Variants in SYN3 observed in about 807,000 individuals in gnomAD.
SYN3 encodes synapsin III, also known as synapsin-3.
A neutral mutation model predicts 65.8 loss-of-function variants in SYN3; 35 were observed. The ratio of observed to expected loss-of-function variants is 0.53; its 90% CI spans 0.41 to 0.70. The LOEUF (loss-of-function observed/expected upper bound fraction) is 0.70. Ranked by LOEUF, SYN3 falls within the 30% of genes least tolerant of loss-of-function variation. The pLI is 0.00. For synonymous variants in SYN3, 270 were observed against 292.9 expected, an observed-to-expected ratio of 0.92 and a Z score of 0.80; for missense variants, 680 against 749.0, an observed-to-expected ratio of 0.91 and a Z score of 1.08.
intron 6 of SYN3, among the ~76,000 whole-genome samples, chr22:32,719,257 G>T (rs922281709): frequency 4.6e-5 from 7 of 152,210 alleles, no homozygotes; most frequent in African/African-American, 1.7e-4. Flanking sequence ...TTGCGTCTCA[G>T]TTCCTGGCAT....
intron 6 of SYN3, among the ~76,000 whole-genome samples, chr22:32,809,954 C>G (rs2046870543): frequency 6.6e-6 from 1 of 152,174 alleles, no homozygotes; most frequent in African/African-American, 2.4e-5. Flanking sequence ...CTCCCTGTTA[C>G]CCACAGTGCT....
At chr22:32,668,776 A>T (rs2060324560) in intron 6 of SYN3, among the ~76,000 whole-genome samples, 1 of 152,132 alleles carries the variant, frequency 6.6e-6, no homozygotes, top group Non-Finnish European at 1.5e-5. Context: ...TTTTAGCTTC[A>T]CATTGTCCCC....
intron 1 of SYN3, among the ~76,000 whole-genome samples, chr22:33,047,658 C>T (rs550822927): frequency 6.6e-6 from 1 of 151,718 alleles, no homozygotes; most frequent in South Asian, 2.1e-4. Flanking sequence ...TCCAGAAGTG[C>T]CACTAATGTG....
At chr22:32,752,790 T>C (rs1465753368) in intron 6 of SYN3, among the ~76,000 whole-genome samples, 1 of 152,054 alleles carries the variant, frequency 6.6e-6, no homozygotes, top group Non-Finnish European at 1.5e-5. Flanking sequence ...GAAGCAGAGA[T>C]GGTGGGGCAA....
chr22:32,822,898 A>G (rs2047290913), intron 6 of SYN3, among the ~76,000 whole-genome samples: 2 of 148,050 alleles, frequency 1.4e-5, no homozygotes, highest in South Asian at 4.4e-4. Flanking sequence ...AACAGAAGCC[A>G]ATTTGTTAAA....
chr22:32,544,087 C>T (rs2058300745), intron 7 of SYN3, among the ~76,000 whole-genome samples: 2 of 152,190 alleles, frequency 1.3e-5, no homozygotes, highest in South Asian at 4.1e-4. Context: ...TACAGGCGTG[C>T]ACCACCATGC....
intron 6 of SYN3, among the ~76,000 whole-genome samples, chr22:32,762,167 C>A (rs1016027240): frequency 6.6e-6 from 1 of 152,222 alleles, no homozygotes; most frequent in East Asian, 1.9e-4. Flanking sequence ...AGGATTTTAG[C>A]GCCATCTTGC....
chr22:32,866,115 G>C (rs1044220835), intron 5 of SYN3, among the ~76,000 whole-genome samples: 1 of 152,162 alleles, frequency 6.6e-6, no homozygotes, highest in Non-Finnish European at 1.5e-5. Flanking sequence ...AGCTGCTGGT[G>C]GATATAAGCA....
At chr22:32,618,268 A>T (rs2059547945) in intron 6 of SYN3, among the ~76,000 whole-genome samples, 1 of 152,122 alleles carries the variant, frequency 6.6e-6, no homozygotes, top group African/African-American at 2.4e-5. Flanking sequence ...TAGGAAACTG[A>T]TGCCTGAGTG....
chr22:33,008,744 T>C (rs1161840893), intron 1 of SYN3, among the ~76,000 whole-genome samples: 1 of 151,802 alleles, frequency 6.6e-6, no homozygotes, highest in Non-Finnish European at 1.5e-5. Context: ...CAAAACTCTC[T>C]CTCTACTAAA....
chr22:32,824,987 C>A (rs2047359127), intron 6 of SYN3, among the ~76,000 whole-genome samples: 1 of 152,150 alleles, frequency 6.6e-6, no homozygotes, highest in Non-Finnish European at 1.5e-5. Flanking sequence ...TCTTCCTGGC[C>A]CCGCCTGTCT....
intron 6 of SYN3, among the ~76,000 whole-genome samples, chr22:32,849,810 T>C (rs1296789151): frequency 6.6e-6 from 1 of 152,140 alleles, no homozygotes; most frequent in African/African-American, 2.4e-5. Flanking sequence ...GCAGATAGCC[T>C]TGTTAGCTCG....
intron 6 of SYN3, among the ~76,000 whole-genome samples, chr22:32,795,596 A>C (rs1197083004): frequency 6.6e-6 from 1 of 152,218 alleles, no homozygotes; most frequent in African/African-American, 2.4e-5. Context: ...TGCACATAGC[A>C]TGGTAGCGAC....
At chr22:32,768,744 C>A (rs1445716931) in intron 6 of SYN3, among the ~76,000 whole-genome samples, 2 of 152,126 alleles carry the variant, frequency 1.3e-5, no homozygotes, top group African/African-American at 4.8e-5. Flanking sequence ...ACTTCCTGAG[C>A]CCATTCATTC....
At chr22:32,941,656 C>T (rs764114816) in intron 3 of SYN3, among the ~76,000 whole-genome samples, 4 of 152,124 alleles carry the variant, frequency 2.6e-5, no homozygotes, top group Non-Finnish European at 4.4e-5. Flanking sequence ...GAGGCATCGC[C>T]TCACCCGGGA....
At chr22:32,551,848 T>A (rs1395611382) in intron 7 of SYN3, among the ~76,000 whole-genome samples, 1 of 152,160 alleles carries the variant, frequency 6.6e-6, no homozygotes, top group Non-Finnish European at 1.5e-5. Flanking sequence ...GAGGAGCAAT[T>A]GCCAAGGACT....
intron 4 of SYN3, among the ~76,000 whole-genome samples, chr22:32,883,858 C>T (rs1285929751): frequency 6.6e-6 from 1 of 152,214 alleles, no homozygotes; most frequent in Non-Finnish European, 1.5e-5. Context: ...GTGTACAGAT[C>T]CAACAGCCGG....
intron 6 of SYN3, among the ~76,000 whole-genome samples, chr22:32,809,169 G>C (rs2046843781): frequency 6.6e-6 from 1 of 152,196 alleles, no homozygotes; most frequent in South Asian, 2.1e-4. Context: ...GCTGTCTCAG[G>C]CTAGGGAAGC....
intron 6 of SYN3, chr22:32,859,658 G>A (rs982840376): frequency 2.3e-6 from 1 of 439,646 alleles, no homozygotes; most frequent in Middle Eastern, 6.4e-4. Flanking sequence ...CCTCTTCTTC[G>A]TGATAATATA....
Sources: allele counts gnomAD v4.1 joint callset (sites outside exome capture counted in the v4.1 genomes callset), GRCh38; gene constraint gnomAD v4.1.1; transcripts MANE v1.5; gene names NCBI Gene and HGNC (gene_info 2026-07-23, HGNC 2026-07-21).